Variants in ASIP observed in about 807,000 individuals in gnomAD.
ASIP encodes the protein agouti signaling protein, also known as agouti-signaling protein.
In ASIP, 11 loss-of-function variants were observed where a neutral mutation model predicts 10.3. The observed-to-expected ratio is 1.07, with a 90% CI of 0.68 to 1.78. The LOEUF (loss-of-function observed/expected upper bound fraction) is 1.78, where lower values mean the gene tolerates loss of function less well. Ranked by LOEUF, ASIP falls within the 40% of genes most tolerant of loss-of-function variation. The pLI is 0.00. For synonymous variants in ASIP, 70 were observed against 70.8 expected (o/e 0.99, Z 0.06); for missense variants, 180 against 169.2 (o/e 1.06, Z -0.35).
At chr20:34,238,538 G>A (rs1287999689), upstream of ASIP, among the ~76,000 whole-genome samples, 1 of 151,784 alleles carries the variant, frequency 6.6e-6, no homozygotes, top group Non-Finnish European at 1.5e-5. Flanking sequence ...TATCTCTATT[G>A]ATATTCCCCT....
chr20:34,190,376 C>G (rs1357144385), upstream of ASIP, among the ~76,000 whole-genome samples: 1 of 152,140 alleles, frequency 6.6e-6, no homozygotes, highest in Non-Finnish European at 1.5e-5. Context: ...AAGATGATAT[C>G]ACCAAACCTT....
upstream of ASIP, among the ~76,000 whole-genome samples, chr20:34,194,197 A>G (rs2034840625): frequency 6.6e-6 from 1 of 152,186 alleles, no homozygotes; most frequent in Non-Finnish European, 1.5e-5. Flanking sequence ...GTGCTGAGAG[A>G]GAGAACCAGG....
chr20:34,236,265 C>T (rs1167283599), intron 1 of ASIP, among the ~76,000 whole-genome samples: 1 of 152,126 alleles, frequency 6.6e-6, no homozygotes, highest in Non-Finnish European at 1.5e-5. Flanking sequence ...CATGGCTGGG[C>T]GCAGTGGCTC....
intron 1 of ASIP, among the ~76,000 whole-genome samples, chr20:34,219,217 T>C (rs914091307): frequency 6.6e-6 from 1 of 152,160 alleles, no homozygotes; most frequent in Non-Finnish European, 1.5e-5. Flanking sequence ...AGACACTATA[T>C]GGAAAGAGGT....
intron 1 of ASIP, among the ~76,000 whole-genome samples, chr20:34,222,484 CGTT>C (rs1318433259): frequency 6.6e-6 from 1 of 152,112 alleles, no homozygotes; most frequent in East Asian, 1.9e-4. Context: ...GAACAGATGT[CGTT>C]GTAGAAGCCT....
At chr20:34,221,823 G>A (rs1403957146) in intron 1 of ASIP, among the ~76,000 whole-genome samples, 1 of 152,132 alleles carries the variant, frequency 6.6e-6, no homozygotes. Flanking sequence ...GTAATGAAGA[G>A]ATTAGGCCAG....
intron 1 of ASIP, among the ~76,000 whole-genome samples, chr20:34,222,188 C>T (rs1364087557): frequency 6.6e-6 from 1 of 151,888 alleles, no homozygotes. Context: ...TGTAGGATAC[C>T]AGCTTTTGCC....
intron 3 of ASIP, among the ~76,000 whole-genome samples, 171 bp downstream of exon 3, chr20:34,263,064 C>T (rs2035722773): frequency 6.6e-6 from 1 of 152,132 alleles, no homozygotes; most frequent in East Asian, 1.9e-4. Flanking sequence ...GAGCCAGACA[C>T]CCACAGAAGC....
the ASIP span, among the ~76,000 whole-genome samples, chr20:34,187,630 T>C: frequency 6.6e-6 from 1 of 152,252 alleles, no homozygotes. Flanking sequence ...ATGTTATGTA[T>C]CCATTGCTAA....
intron 1 of ASIP, among the ~76,000 whole-genome samples, chr20:34,206,339 C>G (rs183618602): frequency 3.4e-4 from 51 of 152,238 alleles, no homozygotes; most frequent in African/African-American, 1.2e-3. Context: ...TACTTTATAT[C>G]TTCCTCCCTA....
At chr20:34,207,368 C>A (rs1027715864) in intron 1 of ASIP, among the ~76,000 whole-genome samples, 22 of 152,128 alleles carry the variant, frequency 1.4e-4, no homozygotes, top group African/African-American at 5.3e-4. Context: ...AATGCCTGTT[C>A]ATTTTTAAAT....
At chr20:34,222,538 C>T (rs1207079363) in intron 1 of ASIP, among the ~76,000 whole-genome samples, 1 of 152,104 alleles carries the variant, frequency 6.6e-6, no homozygotes, top group African/African-American at 2.4e-5. Flanking sequence ...TTTTTTCAGG[C>T]CCTAGATTCT....
Position 34,251,936 on chromosome 20 carries a change from G to A in ASIP, c.-10-8429G>A, listed in dbSNP as rs181232415. On this transcript the variant is annotated intron_variant, in intron 1 of 3. Coordinates refer to ENST00000374954, the MANE Select transcript of ASIP (RefSeq NM_001672.3). ...CCAGAACCATGAGAAATAAATTTCC[G>A]TTGTTTAGAAACCACCCAGTCTATG... is the stretch of plus-strand genomic sequence containing the variant. Among the ~76,000 whole-genome samples the A allele has an allele frequency of 1.6e-3, 236 of 152,246 alleles. 1 individual carries two copies. Among genetic ancestry groups the A allele is most frequent in the African/African-American group, 5.1e-3 (212 of 41,548 alleles).
intron 3 of ASIP, among the ~76,000 whole-genome samples, chr20:34,265,332 G>A (rs899336994): frequency 3.9e-5 from 6 of 152,050 alleles, no homozygotes; most frequent in Admixed American, 2.6e-4. Flanking sequence ...AGACCAGCCT[G>A]AGCAACATGA....
intron 1 of ASIP, among the ~76,000 whole-genome samples, chr20:34,245,386 C>A (rs2035356089): frequency 6.7e-6 from 1 of 149,694 alleles, no homozygotes; most frequent in Non-Finnish European, 1.5e-5. Context: ...TACCAAATGA[C>A]CAAATTTTAT....
At position 34,213,474 on chromosome 20, in the gene ASIP, G is replaced by T. The variant is rs910772132; in HGVS notation, c.-11+18714G>T. On this transcript the variant is annotated intron_variant, in intron 1 of 3. Coordinates refer to the ASIP transcript ENST00000568305. ...AGGTAGAGACTGAGACAGTTTTGAA[G>T]TGAACACTGAAAAAGTCTGTCTCTA... is the stretch of plus-strand genomic sequence containing the variant. The T allele has an allele frequency of 6.9e-6, 9 of 1,305,210 alleles. No individual in the cohort carries two copies. The Admixed American group carries it at 1.8e-4, about 26-fold the overall frequency. The allele number at this position is 1,305,210 out of a possible 1,614,324, so 80.9% of individuals were successfully genotyped here.
chr20:34,189,197 C>A, the ASIP span, among the ~76,000 whole-genome samples: 2 of 152,124 alleles, frequency 1.3e-5, no homozygotes, highest in Admixed American at 1.3e-4. Context: ...CGGTCTGGTG[C>A]CTAGAACTTC....
intron 1 of ASIP, among the ~76,000 whole-genome samples, chr20:34,223,790 G>T (rs1428353659): frequency 2.3e-5 from 3 of 132,310 alleles, no homozygotes; most frequent in Admixed American, 7.4e-5. Flanking sequence ...GGGAAAGGTG[G>T]GGAAAAGATT....
intron 1 of ASIP, chr20:34,214,384 G>T: frequency 1.5e-6 from 2 of 1,347,286 alleles, no homozygotes; most frequent in Non-Finnish European, 2.1e-6. Flanking sequence ...GATGTATGCT[G>T]ATAGGAACTG....
Sources: allele counts gnomAD v4.1 joint callset (sites outside exome capture counted in the v4.1 genomes callset), GRCh38; gene constraint gnomAD v4.1.1; transcripts MANE v1.5; gene names NCBI Gene and HGNC (gene_info 2026-07-23, HGNC 2026-07-21).